ZNF839: variants seen among roughly 807,000 people sequenced by gnomAD.
The protein encoded by ZNF839 is zinc finger protein 839.
In ZNF839, 38 loss-of-function variants were observed where a neutral mutation model predicts 56.4. The ratio of observed to expected loss-of-function variants is 0.67; its 90% CI spans 0.52 to 0.88. The LOEUF is 0.88. Ranked by LOEUF, ZNF839 falls within the 40% of genes least tolerant of loss-of-function variation. The probability of loss-of-function intolerance (pLI) is 0.00; values close to 1 mark genes in which losing one functional copy is unlikely to be tolerated. For synonymous variants in ZNF839, 486 were observed against 493.5 expected (o/e 0.98, Z 0.20); for missense variants, 1,091 against 1,177.6 (o/e 0.93, Z 1.08).
intron 1 of ZNF839, among the ~76,000 whole-genome samples, 178 bp downstream of exon 1, chr14:102,320,231 C>T (rs1056934653): frequency 7.2e-5 from 11 of 152,200 alleles, no homozygotes; most frequent in African/African-American, 2.7e-4. Context: ...CTGGCATTTT[C>T]ACCCCAGGAG....
chr14:102,331,396 G>A (rs148848856), intron 2 of ZNF839: 13 of 448,274 alleles, frequency 2.9e-5, no homozygotes, highest in Non-Finnish European at 4.0e-5. Context: ...CTACAGGCGC[G>A]CGCCACCGCG....
chr14:102,338,703 A>T, intron 5 of ZNF839, 113 bp from the exon 6 acceptor site: 1 of 1,458,622 alleles, frequency 6.9e-7, no homozygotes, highest in Non-Finnish European at 9.3e-7. Flanking sequence ...ACAGTAGGTG[A>T]GGAACTTTGT....
intron 3 of ZNF839, among the ~76,000 whole-genome samples, chr14:102,333,774 G>A (rs1482878798): frequency 6.6e-6 from 1 of 152,148 alleles, no homozygotes; most frequent in African/African-American, 2.4e-5. Flanking sequence ...CCACCTGGCT[G>A]TCCTGTGAAC....
chr14:102,331,954 A>T (rs2073806835), intron 3 of ZNF839, 108 bp downstream of exon 3: 3 of 904,478 alleles, frequency 3.3e-6, no homozygotes, highest in Non-Finnish European at 4.9e-6. Flanking sequence ...ATGTCATTGC[A>T]TTAAGTGTGT....
At chr14:102,330,683 A>G (rs2073733672) in intron 2 of ZNF839, among the ~76,000 whole-genome samples, 1 of 151,294 alleles carries the variant, frequency 6.6e-6, no homozygotes, top group Non-Finnish European at 1.5e-5. Context: ...ACACCTGGCC[A>G]ATTTTTGTAA....
intron 5 of ZNF839, 132 bp downstream of exon 5, chr14:102,335,970 G>A: frequency 9.6e-7 from 1 of 1,043,448 alleles, no homozygotes; most frequent in Non-Finnish European, 1.4e-6. Context: ...CTTGAGGTCA[G>A]GAGTTTGAGA....
At chr14:102,341,024 G>T (rs192435229) in intron 7 of ZNF839, 52 of 175,496 alleles carry the variant, frequency 3.0e-4, no homozygotes, top group Middle Eastern at 2.4e-3. Context: ...AGCTGAAATC[G>T]TGCCACTGCA....
At chr14:102,328,429 T>C (rs1274010675) in intron 2 of ZNF839, among the ~76,000 whole-genome samples, 8 of 117,750 alleles carry the variant, frequency 6.8e-5, no homozygotes, top group East Asian at 5.6e-4. Flanking sequence ...CACACACACA[T>C]ATAGTAGTAA....
chr14:102,328,917 A>G (rs2139511793), intron 2 of ZNF839, among the ~76,000 whole-genome samples: 1 of 151,554 alleles, frequency 6.6e-6, no homozygotes, highest in Admixed American at 6.6e-5. Context: ...GGCTATTGTG[A>G]ACGATGCTGC....
chr14:102,320,245 C>A (rs995918843), intron 1 of ZNF839, among the ~76,000 whole-genome samples, 192 bp downstream of exon 1: 1 of 152,198 alleles, frequency 6.6e-6, no homozygotes, highest in Non-Finnish European at 1.5e-5. Flanking sequence ...CCAGGAGCCT[C>A]ACTCTAGGAG....
chr14:102,335,618 G>C (rs1382762586), intron 4 of ZNF839, 71 bp from the exon 5 acceptor site: 7 of 1,473,710 alleles, frequency 4.7e-6, no homozygotes, highest in Non-Finnish European at 6.3e-6. Context: ...ACTTTGTTTA[G>C]ATTTTCTTCT....
In ZNF839 at chr14:102,326,337, C is replaced by A. The variant is rs185772819; in HGVS notation, c.641C>A (p.Pro214Gln). ...SMLTPLSASD[P>Q]LAVTSLSSSS... ...TTGACCCCTTTGTCTGCCTCTGACCCGCTGGCAGTAACATCTCTTTCATCC... is the reference window on the plus strand; with the variant it reads ...TTGACCCCTTTGTCTGCCTCTGACCAGCTGGCAGTAACATCTCTTTCATCC... The change falls in exon 2 of 8, where the codon CCG (proline) becomes CAG (glutamine). Residue 214 changes from proline (P) to glutamine (Q), a missense_variant. Physicochemically the swap from Pro to Gln is moderately conservative, Grantham distance 76. This residue lies in a region of ZNF839 where 614 missense variants were observed against 629.2 expected (regional missense o/e 0.98). Transcript: ENST00000442396. The surrounding 1 kb of genome is among the most constrained non-coding windows in gnomAD (Gnocchi z 4.3). 3.7e-6 allele frequency: 6 copies of A among 1,609,828 alleles called. No homozygotes were observed. Among genetic ancestry groups the A allele is most frequent in the Non-Finnish European group, 4.2e-6 (5 of 1,177,972 alleles).
intron 2 of ZNF839, among the ~76,000 whole-genome samples, chr14:102,329,723 G>T (rs1482555194): frequency 6.8e-6 from 1 of 148,096 alleles, no homozygotes; most frequent in Non-Finnish European, 1.5e-5. Flanking sequence ...GTGTGTGTGT[G>T]TGTATGTGTG....
intron 5 of ZNF839, 32 bp downstream of exon 5, chr14:102,335,870 C>A: frequency 6.2e-7 from 1 of 1,604,978 alleles, no homozygotes; most frequent in Non-Finnish European, 8.5e-7. Context: ...AAGAGTTTTG[C>A]TCATAGAGTT....
At chr14:102,320,129 C>T in intron 1 of ZNF839, 76 bp downstream of exon 1, 2 of 1,079,648 alleles carry the variant, frequency 1.9e-6, no homozygotes, top group Non-Finnish European at 2.2e-6. Context: ...AGCTGCTTGT[C>T]CGGGGAGGCC....
intron 7 of ZNF839, among the ~76,000 whole-genome samples, chr14:102,339,587 A>C (rs1446198167): frequency 6.6e-6 from 1 of 152,188 alleles, no homozygotes. Flanking sequence ...TCTACTAAAA[A>C]TACAAAAAAA....
intron 1 of ZNF839, among the ~76,000 whole-genome samples, chr14:102,321,734 A>C (rs1033464819): frequency 6.6e-6 from 1 of 152,188 alleles, no homozygotes; most frequent in Non-Finnish European, 1.5e-5. Flanking sequence ...GTATTTAGAG[A>C]AAGGGAGATT....
At chr14:102,335,475 T>C in intron 4 of ZNF839, 1 of 524,472 alleles carries the variant, frequency 1.9e-6, no homozygotes, top group African/African-American at 1.9e-5. Flanking sequence ...ACCCAGGGCT[T>C]GTTTGTTTCT....
In ZNF839 at chr14:102,338,966, G is replaced by A. The variant is rs1886171972; in HGVS notation, c.1797+13G>A. Reference sequence around the variant, plus strand: ...GAGGGAACGTGAGGTGGGCATGGCTGAAGTGGGTGCCAGGTGACTGTGCAC... The same window carrying A: ...GAGGGAACGTGAGGTGGGCATGGCTAAAGTGGGTGCCAGGTGACTGTGCAC... On this transcript the variant is annotated intron_variant, in intron 6 of 7. Coordinates refer to ENST00000442396, the MANE Select transcript of ZNF839 (RefSeq NM_018335.6). 6.2e-7 allele frequency: 1 copy of A among 1,614,002 alleles called. No homozygotes were observed. The highest frequency in any genetic ancestry group is 1.3e-5 in the African/African-American group (1 of 75,066).
Sources: gnomAD v4.1 joint callset for allele counts (sites outside exome capture counted in the v4.1 genomes callset) on GRCh38, gnomAD v4.1.1 for gene constraint, gnomAD v4.1.1 regional missense constraint, Gnocchi (gnomAD v3.1) non-coding constraint, MANE v1.5 for transcripts, NCBI Gene and HGNC (gene_info 2026-07-23, HGNC 2026-07-21) for gene names.